The following ARNT variants were observed in gnomAD, a reference collection of about 807,000 sequenced individuals.
The protein encoded by ARNT is aryl hydrocarbon receptor nuclear translocator.
Under a neutral mutation model 105.0 loss-of-function variants are expected in ARNT, and 30 were observed. That is an observed-to-expected ratio of 0.29 (90% CI 0.21 to 0.39). ARNT has a LOEUF of 0.39. Ranked by LOEUF, ARNT falls within the 10% of genes least tolerant of loss-of-function variation. The pLI, the probability that ARNT is intolerant of heterozygous loss-of-function variation, is 1.00. For synonymous variants in ARNT, 304 were observed against 344.0 expected, an observed-to-expected ratio of 0.88 and a Z score of 1.29; for missense variants, 748 against 978.7, an observed-to-expected ratio of 0.76 and a Z score of 3.15.
intron 14 of ARNT, among the ~76,000 whole-genome samples, chr1:150,820,512 C>G (rs1656819677): frequency 6.6e-6 from 1 of 152,050 alleles, no homozygotes; most frequent in Non-Finnish European, 1.5e-5. Flanking sequence ...CAAAAATTAG[C>G]CAGGCGTCTT....
At chr1:150,873,013 G>A (rs902743620) in intron 1 of ARNT, among the ~76,000 whole-genome samples, 2 of 151,810 alleles carry the variant, frequency 1.3e-5, no homozygotes, top group Admixed American at 6.6e-5. Context: ...GGCCGGGCAC[G>A]GTGACTCAAG....
chr1:150,823,164 A>G, intron 14 of ARNT, 30 bp downstream of exon 14: 1 of 1,489,808 alleles, frequency 6.7e-7, no homozygotes, highest in Non-Finnish European at 9.0e-7. Context: ...GAGGAAAAAC[A>G]GTTTTTTCAC....
chr1:150,832,461 G>T, intron 8 of ARNT, 62 bp from the exon 9 acceptor site: 1 of 1,471,710 alleles, frequency 6.8e-7, no homozygotes, highest in Non-Finnish European at 9.5e-7. Context: ...ACTTTCCACA[G>T]TAATAGCAGA....
intron 2 of ARNT, among the ~76,000 whole-genome samples, chr1:150,854,497 G>C (rs1664208168): frequency 1.3e-5 from 2 of 152,066 alleles, no homozygotes; most frequent in Non-Finnish European, 2.9e-5. Context: ...GGGAGGTCAA[G>C]GCTGCAGTGA....
intron 1 of ARNT, among the ~76,000 whole-genome samples, chr1:150,872,002 G>A (rs1667541206): frequency 6.6e-6 from 1 of 150,914 alleles, no homozygotes; most frequent in East Asian, 1.9e-4. Flanking sequence ...CAACACCCAG[G>A]CTGGAGTACA....
chr1:150,854,981 A>T (rs941014882), intron 2 of ARNT, among the ~76,000 whole-genome samples: 1 of 152,026 alleles, frequency 6.6e-6, no homozygotes, highest in Non-Finnish European at 1.5e-5. Context: ...AAGTCAAAGA[A>T]AAAAAAGTCT....
Position 150,813,159 on chromosome 1 carries a change from T to C in ARNT, c.2280+13A>G. The C allele has an allele frequency of 2.5e-6, 4 of 1,608,730 alleles. No homozygotes were observed. The highest frequency in any genetic ancestry group is 1.7e-5 in the Admixed American group (1 of 59,148). ...CCAGCTTCTAATTTTTGAAAGTCTT[T>C]TCACTCTCTTACCTGGAAGACCTCA... On this transcript the variant is annotated intron_variant, in intron 21 of 21. Transcript: ENST00000358595.
At chr1:150,820,658 A>AAAAAC (rs142445432) in intron 14 of ARNT, among the ~76,000 whole-genome samples, 32 of 151,966 alleles carry the variant, frequency 2.1e-4, no homozygotes, top group African/African-American at 4.3e-4. Flanking sequence ...CCCTGTCTGA[A>AAAAAC]AAAACAAAAC....
chr1:150,852,007 C>T (rs975783006), intron 3 of ARNT, among the ~76,000 whole-genome samples: 4 of 151,108 alleles, frequency 2.6e-5, no homozygotes, highest in Non-Finnish European at 4.4e-5. Context: ...GAGATTGCAC[C>T]ACTGCACTCC....
At chr1:150,813,722 G>A (rs1332554855) in intron 20 of ARNT, among the ~76,000 whole-genome samples, 3 of 151,404 alleles carry the variant, frequency 2.0e-5, no homozygotes, top group Non-Finnish European at 2.9e-5. Context: ...TCAGCTCACC[G>A]CAACCTCTGC....
At chr1:150,836,543 G>A (rs1660361765) in intron 6 of ARNT, 50 bp from the exon 7 acceptor site, 2 of 1,552,812 alleles carry the variant, frequency 1.3e-6, no homozygotes, top group South Asian at 1.2e-5. Context: ...GAAAAAACAA[G>A]TATTTCTATT....
intron 7 of ARNT, among the ~76,000 whole-genome samples, chr1:150,836,027 C>G (rs944668644): frequency 6.6e-6 from 1 of 151,898 alleles, no homozygotes; most frequent in Admixed American, 6.6e-5. Context: ...GTAGGTTTGG[C>G]TTTTACTGTT....
intron 3 of ARNT, among the ~76,000 whole-genome samples, chr1:150,849,060 G>A (rs764450027): frequency 2.6e-5 from 4 of 151,872 alleles, no homozygotes; most frequent in Admixed American, 6.6e-5. Context: ...AAAATTAGCC[G>A]GGCATGGTAG....
chr1:150,823,438 C>A, intron 13 of ARNT, 93 bp from the exon 14 acceptor site: 9 of 1,260,992 alleles, frequency 7.1e-6, no homozygotes, highest in Non-Finnish European at 9.7e-6. Context: ...CCCTAAAACT[C>A]TTGTCATTGT....
At chr1:150,851,467 G>C (rs1265537477) in intron 3 of ARNT, among the ~76,000 whole-genome samples, 1 of 152,274 alleles carries the variant, frequency 6.6e-6, no homozygotes, top group Non-Finnish European at 1.5e-5. Context: ...TGCTGTGTCT[G>C]TGTAGAAAGA....
chr1:150,847,495 G>A (rs1298859420), intron 3 of ARNT, among the ~76,000 whole-genome samples: 4 of 150,696 alleles, frequency 2.7e-5, no homozygotes, highest in Non-Finnish European at 4.4e-5. Context: ...ACAACAACCC[G>A]ACTTGGTAAG....
chr1:150,839,101 G>A (rs895300227), intron 6 of ARNT, among the ~76,000 whole-genome samples: 6 of 152,104 alleles, frequency 3.9e-5, no homozygotes, highest in African/African-American at 1.4e-4. Context: ...ATAAGAAATA[G>A]ATTTCTTCCA....
chr1:150,844,998 T>C (rs1661936365), intron 4 of ARNT, among the ~76,000 whole-genome samples: 1 of 151,982 alleles, frequency 6.6e-6, no homozygotes, highest in African/African-American at 2.4e-5. Flanking sequence ...TTAGTAGAGA[T>C]GGGGTTTCAC....
At chr1:150,829,002 A>T in intron 12 of ARNT, 91 bp downstream of exon 12, 4 of 1,437,116 alleles carry the variant, frequency 2.8e-6, no homozygotes, top group Non-Finnish European at 3.8e-6. Flanking sequence ...ACTGAGGTTG[A>T]TATGTTTTGG....
Sources: gnomAD v4.1 joint callset for allele counts (sites outside exome capture counted in the v4.1 genomes callset) on GRCh38, gnomAD v4.1.1 for gene constraint, MANE v1.5 for transcripts, NCBI Gene and HGNC (gene_info 2026-07-23, HGNC 2026-07-21) for gene names.